The following SH3BP5 variants were observed in gnomAD, a reference collection of about 807,000 sequenced individuals.
SH3BP5 encodes the protein SH3 domain-binding protein 5.
Under a neutral mutation model 43.3 loss-of-function variants are expected in SH3BP5, and 22 were observed. The observed-to-expected ratio is 0.51, with a 90% CI of 0.36 to 0.73. The LOEUF (loss-of-function observed/expected upper bound fraction) is 0.73, where lower values mean the gene tolerates loss of function less well. Among genes scored for constraint, SH3BP5 ranks in the 30% least tolerant of loss-of-function variants. The pLI, the probability that SH3BP5 is intolerant of heterozygous loss-of-function variation, is 0.00. For missense variants in SH3BP5, 529 were observed against 586.9 expected (o/e 0.90, Z 1.02); for synonymous variants, 255 against 225.8 (o/e 1.13, Z -1.16).
At chr3:15,286,435 G>T (rs1697267011) in intron 3 of SH3BP5, among the ~76,000 whole-genome samples, 1 of 152,228 alleles carries the variant, frequency 6.6e-6, no homozygotes, top group East Asian at 1.9e-4. Flanking sequence ...TTCAGCCAAT[G>T]GAACTGAGAA....
intron 4 of SH3BP5, among the ~76,000 whole-genome samples, chr3:15,264,115 A>G (rs1696550486): frequency 6.6e-6 from 1 of 152,204 alleles, no homozygotes; most frequent in Non-Finnish European, 1.5e-5. Flanking sequence ...TACTTACGAT[A>G]AGGATTTTTA....
chr3:15,328,207 ACACCTGTCTGGTGG>A (rs1698512893), intron 2 of SH3BP5, among the ~76,000 whole-genome samples: 1 of 152,082 alleles, frequency 6.6e-6, no homozygotes, highest in Admixed American at 6.6e-5. Context: ...CAGGCAGGAA[ACACCTGTCTGGTGG>A]CTTCCTGTGA....
intron 3 of SH3BP5, among the ~76,000 whole-genome samples, chr3:15,278,760 C>G (rs1575302581): frequency 6.6e-6 from 1 of 152,086 alleles, no homozygotes; most frequent in East Asian, 1.9e-4. Context: ...CTTTCTATTT[C>G]AAATAGATTT....
At chr3:15,328,419 T>TAA (rs56022759) in intron 2 of SH3BP5, among the ~76,000 whole-genome samples, 5 of 140,284 alleles carry the variant, frequency 3.6e-5, no homozygotes, top group South Asian at 2.3e-4. Context: ...TCAATGCTTT[T>TAA]AAAAAAAAAA....
At chr3:15,262,634 C>T (rs921301305) in intron 4 of SH3BP5, among the ~76,000 whole-genome samples, 3 of 151,796 alleles carry the variant, frequency 2.0e-5, no homozygotes, top group African/African-American at 4.8e-5. Flanking sequence ...CCAGCCTGGG[C>T]GACAGAGTGA....
chr3:15,331,999 G>A (rs1042888051), intron 1 of SH3BP5: 4 of 418,534 alleles, frequency 9.6e-6, no homozygotes, highest in Non-Finnish European at 1.7e-5. Flanking sequence ...ACATCCACCC[G>A]AACCACCAGG....
intron 3 of SH3BP5, among the ~76,000 whole-genome samples, chr3:15,286,864 A>C (rs1274282460): frequency 1.3e-5 from 2 of 152,212 alleles, no homozygotes; most frequent in Non-Finnish European, 2.9e-5. Context: ...TCCTCTTTAA[A>C]GCAAGTACTC....
At chr3:15,309,380 G>C (rs1413957738) in intron 2 of SH3BP5, among the ~76,000 whole-genome samples, 4 of 151,780 alleles carry the variant, frequency 2.6e-5, no homozygotes, top group Non-Finnish European at 4.4e-5. Flanking sequence ...TGGGGTTTTT[G>C]TCTTCTTAAG....
intron 2 of SH3BP5, among the ~76,000 whole-genome samples, chr3:15,318,743 T>C (rs1446568685): frequency 6.6e-6 from 1 of 152,194 alleles, no homozygotes; most frequent in African/African-American, 2.4e-5. Context: ...TTTTTCTTTT[T>C]TGTATTTTAG....
rs769131566 is a variant in SH3BP5 at position 15,269,706 on chromosome 3, C to G, written c.495+7G>C. 2 of 1,583,540 alleles carry G rather than the reference C, an allele frequency of 1.3e-6. No homozygotes were observed. The highest frequency in any genetic ancestry group is 1.7e-6 in the Non-Finnish European group (2 of 1,162,226). ...ACCCCCACAGCACACCCGGCCATGA[C>G]TCATACCCTCTGAGTGGCGTGATTC... On this transcript the variant is annotated splice_region_variant and intron_variant, in intron 4 of 8. Transcript: ENST00000383791.
intron 2 of SH3BP5, among the ~76,000 whole-genome samples, chr3:15,322,328 C>T (rs2125135897): frequency 6.6e-6 from 1 of 152,028 alleles, no homozygotes; most frequent in Non-Finnish European, 1.5e-5. Flanking sequence ...TTTTTTCCCC[C>T]ACTAAGTAGA....
In SH3BP5 at chr3:15,258,973, G is replaced by A; in HGVS notation, c.747C>T (p.Asn249=). The A allele has an allele frequency of 6.2e-7, 1 of 1,614,210 alleles. No individual in the cohort carries two copies. Among genetic ancestry groups the A allele is most frequent in the Non-Finnish European group, 8.5e-7 (1 of 1,180,040 alleles). ...AKGEYKMALK[N]LEMISDEIHE... is the part of the protein sequence containing the mutation. The stretch of plus-strand genomic sequence containing the variant: ...GGATCTCATCTGAGATCATCTCCAG[G>A]TTCTTCAGGGCCATCTTGTACTCGC... Residue 249 remains asparagine, a synonymous_variant, in exon 7 of 9, where the codon AAC becomes AAT. Coordinates refer to ENST00000383791, the MANE Select transcript of SH3BP5 (RefSeq NM_004844.5).
intron 3 of SH3BP5, among the ~76,000 whole-genome samples, chr3:15,284,883 C>T (rs990101782): frequency 2.6e-5 from 4 of 152,206 alleles, no homozygotes; most frequent in African/African-American, 9.7e-5. Context: ...CCCAGGGACA[C>T]CAGCACACAC....
intron 3 of SH3BP5, among the ~76,000 whole-genome samples, chr3:15,283,902 C>A (rs1048102315): frequency 4.6e-5 from 7 of 152,152 alleles, no homozygotes; most frequent in African/African-American, 1.7e-4. Context: ...GCCACAGAGT[C>A]CAGCCCATAG....
At position 15,322,405 on chromosome 3, in the gene SH3BP5, A is replaced by C. The variant is rs9878727; in HGVS notation, c.201+8099T>G. Among the ~76,000 whole-genome samples, 212 of 152,258 alleles carry C rather than the reference A, an allele frequency of 1.4e-3. 1 individual carries two copies. The highest frequency in any genetic ancestry group is 4.9e-3 in the African/African-American group (203 of 41,530). On this transcript the variant is annotated intron_variant, in intron 2 of 8. Transcript: ENST00000383791. ...AGTGAAAGGCCACTCTTAAAATGCT[A>C]ACGCCCCCAAGCAAGGCAGAATCTT...
chr3:15,303,709 A>G (rs1012379387), intron 3 of SH3BP5, among the ~76,000 whole-genome samples: 2 of 152,182 alleles, frequency 1.3e-5, no homozygotes, highest in Non-Finnish European at 2.9e-5. Context: ...AAAAAAAGAA[A>G]AAGAAGAAGA....
intron 2 of SH3BP5, among the ~76,000 whole-genome samples, chr3:15,326,581 C>T (rs898864292): frequency 6.6e-6 from 1 of 152,184 alleles, no homozygotes; most frequent in African/African-American, 2.4e-5. Flanking sequence ...CTTGTGAATT[C>T]GTCTACTCGC....
intron 3 of SH3BP5, among the ~76,000 whole-genome samples, chr3:15,278,051 C>T (rs549625922): frequency 6.6e-6 from 1 of 152,362 alleles, no homozygotes; most frequent in African/African-American, 2.4e-5. Context: ...CCAGCTTCTA[C>T]CCCTCGTGCT....
chr3:15,259,025 A>G lies in SH3BP5; in HGVS notation c.695T>C (p.Leu232Pro), dbSNP rs774575202. 1 of 1,614,098 alleles carries G rather than the reference A, an allele frequency of 6.2e-7. No individual in the cohort carries two copies. The highest frequency in any genetic ancestry group is 8.5e-7 in the Non-Finnish European group (1 of 1,180,020). ...TTTTGCCAGGGTCAGTTTGGCCTGC[A>G]GGTCATCCACAGTCTTTTTCAGTTG... is the stretch of plus-strand genomic sequence containing the variant. The part of the protein sequence containing the change: ...LEQLKKTVDD[L>P]QAKLTLAKGE... The change falls in exon 7 of 9, where the codon CTG becomes CCG. Residue 232 changes from leucine (L) to proline (P), a missense_variant. Transcript: ENST00000383791.
Sources: gnomAD v4.1 joint callset for allele counts (sites outside exome capture counted in the v4.1 genomes callset) on GRCh38, gnomAD v4.1.1 for gene constraint, MANE v1.5 for transcripts, NCBI Gene and HGNC (gene_info 2026-07-23, HGNC 2026-07-21) for gene names.